Variants in GLT8D1 observed in about 807,000 individuals in gnomAD.
GLT8D1 encodes glycosyltransferase 8 domain containing 1, also known as glycosyltransferase 8 domain-containing protein 1.
In GLT8D1, 41 loss-of-function variants were observed where a neutral mutation model predicts 46.2. That is an observed-to-expected ratio of 0.89 (90% CI 0.69 to 1.15). GLT8D1 has a LOEUF of 1.15. Ranked by LOEUF, GLT8D1 falls within the 50% of genes most tolerant of loss-of-function variation. GLT8D1 has a pLI of 0.00. For missense variants in GLT8D1, 408 were observed against 449.3 expected (o/e 0.91, Z 0.83); for synonymous variants, 150 against 154.2 (o/e 0.97, Z 0.20).
chr3:52,698,949 T>A (rs775988647), intron 3 of GLT8D1, among the ~76,000 whole-genome samples: 33 of 152,236 alleles, frequency 2.2e-4, no homozygotes, highest in Non-Finnish European at 4.1e-4. Flanking sequence ...TATTTCCTAT[T>A]GTAGGGCTGC....
intron 4 of GLT8D1, 48 bp from the exon 5 acceptor site, chr3:52,696,707 A>G (rs777141931): frequency 7.9e-6 from 8 of 1,013,396 alleles, no homozygotes; most frequent in African/African-American, 3.2e-5. Context: ...ATGTCTCCAA[A>G]CCAATGAGGG....
chr3:52,695,902 A>AGAGG (rs2097332889), intron 7 of GLT8D1, 26 bp downstream of exon 7: 1 of 1,267,410 alleles, frequency 7.9e-7, no homozygotes, highest in South Asian at 1.2e-5. Flanking sequence ...TATTGTAGGA[A>AGAGG]GAGGGGTGTT....
At chr3:52,703,571 A>T (rs1435401781) in intron 1 of GLT8D1, 2 of 152,142 alleles carry the variant, frequency 1.3e-5, no homozygotes, top group Non-Finnish European at 2.9e-5. Context: ...GCGATGAGGC[A>T]ACTTCCACCA....
chr3:52,697,585 C>A (rs1398273020), intron 4 of GLT8D1, 136 bp downstream of exon 4: 11 of 701,704 alleles, frequency 1.6e-5, no homozygotes, highest in East Asian at 1.5e-4. Context: ...AAAAATATGT[C>A]ATTTGTACAG....
rs772120970 is a variant in GLT8D1, at chr3:52,694,807, CT to C, written c.*37del. On this transcript the variant is annotated 3_prime_UTR_variant, in exon 10 of 10. Transcript: ENST00000266014. ...TTCCCACGCATGCTATCTTCCAGGACTTCCTGAGAAATGCTTGCTTACAGTT... is the reference window on the plus strand; with the variant it reads ...TTCCCACGCATGCTATCTTCCAGGACTCCTGAGAAATGCTTGCTTACAGTT... 7.1e-5 allele frequency: 101 copies of C among 1,423,134 alleles called. No homozygotes were observed. Among genetic ancestry groups the C allele is most frequent in the Non-Finnish European group, 9.6e-5 (97 of 1,006,228 alleles). The allele number at this position is 1,423,134 out of a possible 1,614,324, so 88.2% of individuals were successfully genotyped here. A position where few individuals can be genotyped will look rare whatever the true frequency, so the allele number is the denominator to read the frequency against.
At chr3:52,700,531 G>A (rs1578592508) in intron 1 of GLT8D1, 35 bp from the exon 2 acceptor site, 2 of 1,019,776 alleles carry the variant, frequency 2.0e-6, no homozygotes, top group South Asian at 1.4e-5. Flanking sequence ...AAGTCAGTAA[G>A]CACATGAGAA....
chr3:52,695,263 T>A lies in GLT8D1; in HGVS notation c.852A>T (p.Thr284=). 2 of 1,613,784 alleles carry A rather than the reference T, an allele frequency of 1.2e-6. No homozygotes were observed. Among genetic ancestry groups the A allele is most frequent in the Non-Finnish European group, 1.7e-6 (2 of 1,179,820 alleles). ...AAAATACGATAAGCAGAGGAGGTGT[T>A]GTGATGCTACCAGCCAGGGTTCTGC... ...LYSRTLAGSI[T]TPPLLIVFYQ... is the part of the protein sequence containing the mutation. The change falls in exon 9 of 10, where the codon ACA becomes ACT. Residue 284 remains threonine (T), a synonymous_variant. Coordinates refer to ENST00000266014, the MANE Select transcript of GLT8D1 (RefSeq NM_018446.4).
In GLT8D1 at chr3:52,694,800, T is replaced by C; in HGVS notation, c.*45A>G. The C allele has an allele frequency of 7.4e-7, 1 of 1,356,982 alleles. No homozygotes were observed. Among genetic ancestry groups the C allele is most frequent in the African/African-American group, 1.4e-5 (1 of 70,114 alleles). 84.1% of individuals were successfully genotyped at this position (1,356,982 alleles called of 1,614,324 possible). On this transcript the variant is annotated 3_prime_UTR_variant, in exon 10 of 10. Transcript: ENST00000266014. ...CTGTTACTTCCCACGCATGCTATCT[T>C]CCAGGACTTCCTGAGAAATGCTTGC...
rs1239020628 is a variant in GLT8D1 at position 52,700,644 on chromosome 3, C to G, written c.-36-148G>C. On this transcript the variant is annotated intron_variant, in intron 1 of 9. Transcript: ENST00000266014. ...AGAAACTCATTTTGAATTCACAGTT[C>G]CCAAGAACCCAATTTGGGATCTGAA... 3 of 474,890 alleles carry G rather than the reference C, an allele frequency of 6.3e-6. No individual in the cohort carries two copies. In the East Asian group the frequency reaches 9.0e-5, roughly 14 times the overall value. The allele number at this position is 474,890 out of a possible 1,614,324, so 29.4% of individuals were successfully genotyped here.
At position 52,705,646 on chromosome 3, in the gene GLT8D1, G is replaced by A; in HGVS notation, c.-236C>T. On this transcript the variant is annotated 5_prime_UTR_variant, in exon 1 of 10. Coordinates refer to ENST00000266014, the MANE Select transcript of GLT8D1 (RefSeq NM_018446.4). Reference sequence around the variant, plus strand: ...CAGCGCCCGCGCCGCAGGCCCCGGAGCCCAGCCCGTTGTCTGGCCGCCCGC... The same window carrying A: ...CAGCGCCCGCGCCGCAGGCCCCGGAACCCAGCCCGTTGTCTGGCCGCCCGC... 4.8e-6 allele frequency: 1 copy of A among 208,504 alleles called. No individual in the cohort carries two copies. The highest frequency in any genetic ancestry group is 8.8e-6 in the Non-Finnish European group (1 of 113,392). 12.9% of individuals were successfully genotyped at this position (208,504 alleles called of 1,614,324 possible). A position where few individuals can be genotyped will look rare whatever the true frequency, so the allele number is the denominator to read the frequency against.
chr3:52,702,717 A>C (rs1202744849), intron 1 of GLT8D1, among the ~76,000 whole-genome samples: 1 of 152,074 alleles, frequency 6.6e-6, no homozygotes, highest in East Asian at 1.9e-4. Flanking sequence ...TATCTAAAAA[A>C]AATTTTTTTT....
chr3:52,696,158 C>T, intron 6 of GLT8D1, 76 bp downstream of exon 6: 1 of 1,197,596 alleles, frequency 8.4e-7, no homozygotes, highest in Non-Finnish European at 1.2e-6. Context: ...CTACAGCCCA[C>T]TGTAGCCCAT....
chr3:52,695,808 C>A, intron 7 of GLT8D1, 120 bp downstream of exon 7: 1 of 680,002 alleles, frequency 1.5e-6, no homozygotes. Context: ...GAAAAGCAGG[C>A]TTGAGTTTTG....
intron 3 of GLT8D1, 61 bp from the exon 4 acceptor site, chr3:52,697,995 G>T: frequency 9.6e-7 from 1 of 1,043,636 alleles, no homozygotes; most frequent in Non-Finnish European, 1.5e-6. Context: ...TAGAGTCCAA[G>T]ACATGGAAAA....
chr3:52,695,150 A>T lies in GLT8D1; in HGVS notation c.925+40T>A, dbSNP rs1578584330. ...CCCTGAGGATAGTTCTTTAGATACCAATTCTTTACTAGCTTATGCCACTGG... is the reference window on the plus strand; with the variant it reads ...CCCTGAGGATAGTTCTTTAGATACCTATTCTTTACTAGCTTATGCCACTGG... On this transcript the variant is annotated intron_variant, in intron 9 of 9. Coordinates refer to ENST00000266014, the MANE Select transcript of GLT8D1 (RefSeq NM_018446.4). The T allele has an allele frequency of 2.5e-5, 38 of 1,500,600 alleles. No homozygotes were observed. The East Asian group carries it at 8.1e-4, about 32-fold the overall frequency. The allele number at this position is 1,500,600 out of a possible 1,614,324, so 93.0% of individuals were successfully genotyped here.
rs1482312890 is a variant in GLT8D1, at chr3:52,694,837, A to G, written c.*8T>C. On this transcript the variant is annotated 3_prime_UTR_variant, in exon 10 of 10. Coordinates refer to ENST00000266014, the MANE Select transcript of GLT8D1 (RefSeq NM_018446.4). ...TGAGAAATGCTTGCTTACAGTTCAA[A>G]TTCTGTTTCACTTTATGTTTGAGAT... 3.8e-6 allele frequency: 6 copies of G among 1,595,100 alleles called. No homozygotes were observed. The highest frequency in any genetic ancestry group is 5.2e-6 in the Non-Finnish European group (6 of 1,162,734).
At chr3:52,698,730 T>C (rs937512401) in intron 3 of GLT8D1, among the ~76,000 whole-genome samples, 1 of 150,940 alleles carries the variant, frequency 6.6e-6, no homozygotes, top group Non-Finnish European at 1.5e-5. Flanking sequence ...AAACATAGTG[T>C]ATCACACAAG....
In GLT8D1 at chr3:52,695,005, T is replaced by G; in HGVS notation, c.956A>C (p.Gln319Pro). ...GAGTAACTTGGCAGCCTTTACAAAC[T>G]GAGGTGAATATCGTTTTCCAGCACT... ...GSSAGKRYSP[Q>P]FVKAAKLLHW... The change falls in exon 10 of 10, where the codon CAG becomes CCG. Residue 319 changes from glutamine (Q) to proline (P), a missense_variant. Coordinates refer to ENST00000266014, the MANE Select transcript of GLT8D1 (RefSeq NM_018446.4). The G allele has an allele frequency of 6.2e-7, 1 of 1,612,618 alleles. No homozygotes were observed. The highest frequency in any genetic ancestry group is 8.5e-7 in the Non-Finnish European group (1 of 1,178,628).
In GLT8D1 at chr3:52,697,784, T is replaced by C; in HGVS notation, c.266A>G (p.His89Arg). 9 of 1,614,012 alleles carry C rather than the reference T, an allele frequency of 5.6e-6. No homozygotes were observed. Among genetic ancestry groups the C allele is most frequent in the Non-Finnish European group, 7.6e-6 (9 of 1,179,844 alleles). Reference sequence around the variant, plus strand: ...GAAAATCACATTGGAGCGAGTGTTGTGCTGAATGCTGTTTATAGCTGCAAT... The same window carrying C: ...GAAAATCACATTGGAGCGAGTGTTGCGCTGAATGCTGTTTATAGCTGCAAT... ...GAIAAINSIQ[H>R]NTRSNVIFYI... The change falls in exon 4 of 10, where the codon CAC becomes CGC. Residue 89 changes from histidine (H) to arginine (R), a missense_variant. His to Arg is a conservative substitution (Grantham distance 29, BLOSUM62 0). Transcript: ENST00000266014.
Sources: allele counts gnomAD v4.1 joint callset (sites outside exome capture counted in the v4.1 genomes callset), GRCh38; gene constraint gnomAD v4.1.1; transcripts MANE v1.5; gene names NCBI Gene and HGNC (gene_info 2026-07-23, HGNC 2026-07-21).